CTIF: variants seen among roughly 807,000 people sequenced by gnomAD.
The protein encoded by CTIF is CBP80/20-dependent translation initiation factor.
A neutral mutation model predicts 66.0 loss-of-function variants in CTIF; 21 were observed. The observed-to-expected ratio is 0.32, with a 90% CI of 0.23 to 0.46. The LOEUF is 0.46. Ranked by LOEUF, CTIF falls within the 20% of genes least tolerant of loss-of-function variation. The pLI, the probability that CTIF is intolerant of heterozygous loss-of-function variation, is 1.00. For synonymous variants in CTIF, 345 were observed against 326.4 expected (o/e 1.06, Z -0.62); for missense variants, 739 against 812.7 (o/e 0.91, Z 1.10).
chr18:48,597,563 C>T (rs572907758), intron 1 of CTIF, among the ~76,000 whole-genome samples: 2 of 141,738 alleles, frequency 1.4e-5, no homozygotes, highest in African/African-American at 2.5e-5. Context: ...ACCCTCCCCC[C>T]GCCCCACCCC....
intron 6 of CTIF, among the ~76,000 whole-genome samples, chr18:48,675,487 C>T (rs748435886): frequency 4.6e-5 from 7 of 152,220 alleles, no homozygotes; most frequent in South Asian, 4.1e-4. Flanking sequence ...CTGGTCCCAG[C>T]GCCAGCAGCC....
chr18:48,600,002 AG>A (rs1280125504), intron 1 of CTIF, among the ~76,000 whole-genome samples: 1 of 152,176 alleles, frequency 6.6e-6, no homozygotes, highest in Non-Finnish European at 1.5e-5. Flanking sequence ...TGAGGTGAGA[AG>A]GGACAACTCA....
chr18:48,712,198 G>T (rs1165580886), intron 7 of CTIF, among the ~76,000 whole-genome samples: 1 of 152,148 alleles, frequency 6.6e-6, no homozygotes, highest in Non-Finnish European at 1.5e-5. Context: ...ATCAGCAATG[G>T]CACATGCTAC....
intron 1 of CTIF, among the ~76,000 whole-genome samples, chr18:48,605,411 C>A (rs968071327): frequency 1.3e-5 from 2 of 152,214 alleles, no homozygotes; most frequent in African/African-American, 2.4e-5. Flanking sequence ...TTCTCCATGT[C>A]TCAGTGTAGT....
intron 9 of CTIF, among the ~76,000 whole-genome samples, chr18:48,806,399 A>G (rs1008294329): frequency 1.1e-4 from 16 of 152,142 alleles, no homozygotes; most frequent in Non-Finnish European, 2.4e-4. Flanking sequence ...ATAAAAGTGC[A>G]CTTTCTCCTC....
intron 9 of CTIF, among the ~76,000 whole-genome samples, chr18:48,791,996 A>G (rs185639424): frequency 5.4e-4 from 83 of 152,340 alleles, no homozygotes; most frequent in African/African-American, 1.9e-3. Context: ...CAGCAAACAG[A>G]CAGACTCAGC....
chr18:48,597,076 G>T (rs892917876), intron 1 of CTIF, among the ~76,000 whole-genome samples: 2 of 152,194 alleles, frequency 1.3e-5, no homozygotes, highest in Non-Finnish European at 2.9e-5. Flanking sequence ...GGAATAAGGG[G>T]CAAATGTTGG....
chr18:48,612,213 T>A (rs1267480398), intron 1 of CTIF, among the ~76,000 whole-genome samples: 1 of 151,832 alleles, frequency 6.6e-6, no homozygotes, highest in East Asian at 1.9e-4. Flanking sequence ...CTCGCTGGAG[T>A]CTTGAAGGGG....
chr18:48,692,337 CA>C (rs11320556), intron 6 of CTIF, among the ~76,000 whole-genome samples: 34,611 of 139,398 alleles, frequency 0.25, 4,374 homozygotes, highest in African/African-American at 0.37. Context: ...AAACAAAAAA[CA>C]AAAAAAAAAA....
chr18:48,593,481 T>C (rs1347882322), intron 1 of CTIF, among the ~76,000 whole-genome samples: 1 of 151,530 alleles, frequency 6.6e-6, no homozygotes, highest in Admixed American at 6.6e-5. Context: ...CCCGGGTTCA[T>C]GCCATTCTCC....
intron 3 of CTIF, among the ~76,000 whole-genome samples, chr18:48,659,444 G>A (rs1440749573): frequency 6.6e-6 from 1 of 152,180 alleles, no homozygotes; most frequent in African/African-American, 2.4e-5. Flanking sequence ...CTCCAGGGCT[G>A]CTGAGCTTCA....
Position 48,758,080 on chromosome 18 carries a change from G to T in CTIF, c.746G>T (p.Arg249Leu). The part of the protein sequence containing the change: ...PTHHGYSQNR[R>L]WHHGNMKHPP... ...CACCATGGCTACAGCCAGAACCGGC[G>T]CTGGCACCATGGCAACATGAAGCAC... Residue 249 changes from arginine (R) to leucine (L), a missense_variant, in exon 8 of 12, where the codon CGC becomes CTC. Arg to Leu is a moderately radical substitution (Grantham distance 102). Around this residue, in one of 2 missense-constraint regions of CTIF, gnomAD observed 529 missense variants for 520.3 expected, o/e 1.02. Transcript: ENST00000256413. The T allele has an allele frequency of 6.2e-7, 1 of 1,614,014 alleles. No individual in the cohort carries two copies. Among genetic ancestry groups the T allele is most frequent in the Non-Finnish European group, 8.5e-7 (1 of 1,180,004 alleles).
chr18:48,587,228 C>T (rs942788419), intron 1 of CTIF, among the ~76,000 whole-genome samples: 5 of 151,992 alleles, frequency 3.3e-5, no homozygotes, highest in Admixed American at 1.3e-4. Flanking sequence ...ACTACAGGTG[C>T]GCACCACCAT....
chr18:48,826,065 C>T (rs1393853311), intron 10 of CTIF: 2 of 152,232 alleles, frequency 1.3e-5, no homozygotes, highest in South Asian at 2.1e-4. Flanking sequence ...ACTTACTAGC[C>T]GTGGGACTTT....
intron 1 of CTIF, among the ~76,000 whole-genome samples, chr18:48,555,338 C>T (rs917982483): frequency 1.3e-5 from 2 of 152,216 alleles, no homozygotes; most frequent in African/African-American, 2.4e-5. Context: ...CTGTTCACAG[C>T]CCTGATGAGT....
intron 6 of CTIF, among the ~76,000 whole-genome samples, chr18:48,695,000 A>G (rs531830062): frequency 6.6e-6 from 1 of 152,314 alleles, no homozygotes; most frequent in East Asian, 1.9e-4. Context: ...CATTTCTGCA[A>G]GTTCCTCATG....
In CTIF at chr18:48,664,568, C is replaced by T; in HGVS notation, c.431+17C>T. 1 of 1,605,328 alleles carries T rather than the reference C, an allele frequency of 6.2e-7. No homozygotes were observed. Among genetic ancestry groups the T allele is most frequent in the East Asian group, 2.2e-5 (1 of 44,862 alleles). On this transcript the variant is annotated intron_variant, in intron 5 of 11. Transcript: ENST00000256413. Reference sequence around the variant, plus strand: ...CCGCGAAGGGTAAGGGGTGCTGGGGCTCTTACCCAGGGTGGGGTGGGGCAG... The same window carrying T: ...CCGCGAAGGGTAAGGGGTGCTGGGGTTCTTACCCAGGGTGGGGTGGGGCAG...
chr18:48,754,111 G>A (rs1430530312), intron 7 of CTIF, among the ~76,000 whole-genome samples: 1 of 152,178 alleles, frequency 6.6e-6, no homozygotes, highest in Non-Finnish European at 1.5e-5. Context: ...CAGCCCTCTT[G>A]GCTCCTTCTC....
intron 1 of CTIF, among the ~76,000 whole-genome samples, chr18:48,593,879 A>G (rs1486499946): frequency 6.6e-5 from 10 of 152,128 alleles, no homozygotes; most frequent in South Asian, 2.1e-4. Context: ...GGCCAGGCCC[A>G]GTGATGCTGG....
Sources: allele counts gnomAD v4.1 joint callset (sites outside exome capture counted in the v4.1 genomes callset), GRCh38; gene constraint gnomAD v4.1.1; regional missense constraint gnomAD v4.1.1; transcripts MANE v1.5; gene names NCBI Gene and HGNC (gene_info 2026-07-23, HGNC 2026-07-21).